Variants in HDAC4 observed in about 807,000 individuals in gnomAD.
The protein encoded by HDAC4 is histone deacetylase A.
HDAC4 carries 16 observed loss-of-function variants against 135.1 expected under a neutral mutation model. The ratio of observed to expected loss-of-function variants is 0.12; its 90% CI spans 0.08 to 0.18. The LOEUF (loss-of-function observed/expected upper bound fraction) is 0.18. Ranked by LOEUF, HDAC4 falls within the 10% of genes least tolerant of loss-of-function variation. The probability of loss-of-function intolerance (pLI) is 1.00; values close to 1 mark genes in which losing one functional copy is unlikely to be tolerated. For missense variants in HDAC4, 1,143 were observed against 1,511.8 expected, an observed-to-expected ratio of 0.76 and a Z score of 4.05; for synonymous variants, 685 against 653.4, an observed-to-expected ratio of 1.05 and a Z score of -0.74.
intron 2 of HDAC4, among the ~76,000 whole-genome samples, chr2:239,295,812 G>A (rs564607060): frequency 3.9e-5 from 6 of 152,314 alleles, no homozygotes; most frequent in African/African-American, 1.2e-4. Context: ...TGGGCCACCT[G>A]TGTGAGTTCT....
chr2:239,281,776 T>C (rs565433061), intron 2 of HDAC4, among the ~76,000 whole-genome samples: 13 of 142,872 alleles, frequency 9.1e-5, no homozygotes, highest in African/African-American at 3.2e-4. Flanking sequence ...TACCCACCAC[T>C]CTACACACAA....
At chr2:239,365,890 C>A (rs1426709421) in intron 1 of HDAC4, among the ~76,000 whole-genome samples, 4 of 149,316 alleles carry the variant, frequency 2.7e-5, no homozygotes, top group African/African-American at 9.9e-5. Flanking sequence ...GGGGGACACA[C>A]AGAGACATGC....
intron 1 of HDAC4, among the ~76,000 whole-genome samples, chr2:239,370,686 T>C (rs1379325179): frequency 1.3e-5 from 2 of 152,098 alleles, no homozygotes; most frequent in East Asian, 3.9e-4. Context: ...AGGCACCTGG[T>C]GGAAAGGCTG....
chr2:239,353,345 G>A (rs1393212077), intron 1 of HDAC4, among the ~76,000 whole-genome samples: 1 of 152,162 alleles, frequency 6.6e-6, no homozygotes, highest in Non-Finnish European at 1.5e-5. Flanking sequence ...TTCTGACCAA[G>A]GACTGATAGA....
chr2:239,135,182 T>C (rs2040864269), intron 9 of HDAC4, among the ~76,000 whole-genome samples: 1 of 152,196 alleles, frequency 6.6e-6, no homozygotes, highest in Admixed American at 6.5e-5. Flanking sequence ...GACGTGATTA[T>C]TACAAATTGC....
Position 239,146,742 on chromosome 2 carries a change from T to A in HDAC4, c.734-2028A>T, listed in dbSNP as rs2041791414. On this transcript the variant is annotated intron_variant, in intron 7 of 26. Transcript: ENST00000543185. This position sits in a 1 kb window ranked among gnomAD's most constrained non-coding sequence, Gnocchi z 4.5. ...TCCCTCCTCTCCCCTTCCACAGGCCTCTGCTCCACGCCCCTCCCAAGGCTG... is the reference window on the plus strand; with the variant it reads ...TCCCTCCTCTCCCCTTCCACAGGCCACTGCTCCACGCCCCTCCCAAGGCTG... Among the ~76,000 whole-genome samples the A allele has an allele frequency of 8.3e-6, 1 of 120,462 alleles. No individual in the cohort carries two copies. The highest frequency in any genetic ancestry group is 1.7e-5 in the Non-Finnish European group (1 of 58,870). The allele number at this position is 120,462 out of a possible 152,430, so 79.0% of individuals were successfully genotyped here. A position where few individuals can be genotyped will look rare whatever the true frequency, so the allele number is the denominator to read the frequency against.
intron 2 of HDAC4, among the ~76,000 whole-genome samples, chr2:239,279,489 T>C (rs756964285): frequency 5.3e-5 from 8 of 152,194 alleles, no homozygotes; most frequent in Non-Finnish European, 8.8e-5. Flanking sequence ...TTCAGGCCCG[T>C]CTCTCTGCCT....
chr2:239,106,805 G>A (rs759889947), intron 15 of HDAC4, among the ~76,000 whole-genome samples: 2 of 152,334 alleles, frequency 1.3e-5, no homozygotes, highest in South Asian at 2.1e-4. Context: ...GAGGCCCTCC[G>A]TGCCACGCCA....
intron 3 of HDAC4, among the ~76,000 whole-genome samples, chr2:239,192,593 C>A (rs553690117): frequency 2.6e-5 from 4 of 152,248 alleles, no homozygotes; most frequent in Admixed American, 2.6e-4. Flanking sequence ...GCACTGGGGG[C>A]TACGGGTCCG....
At position 239,068,718 on chromosome 2, in the gene HDAC4, G is replaced by A. The variant is rs915844882; in HGVS notation, c.2751-111C>T. On this transcript the variant is annotated intron_variant, in intron 22 of 26. Transcript: ENST00000543185. This position sits in a 1 kb window ranked among gnomAD's most constrained non-coding sequence, Gnocchi z 4.4. ...ATAATGCCTGCCCCGCACCCCCTCGGCCACTGGCGGGCTGAGGGCTCCACA... is the reference window on the plus strand; with the variant it reads ...ATAATGCCTGCCCCGCACCCCCTCGACCACTGGCGGGCTGAGGGCTCCACA... 3.6e-5 allele frequency: 34 copies of A among 933,186 alleles called. No homozygotes were observed. The highest frequency in any genetic ancestry group is 5.3e-5 in the Non-Finnish European group (30 of 568,036). The allele number at this position is 933,186 out of a possible 1,614,324, so 57.8% of individuals were successfully genotyped here.
At chr2:239,142,321 T>C (rs182768704) in intron 8 of HDAC4, among the ~76,000 whole-genome samples, 33 of 152,252 alleles carry the variant, frequency 2.2e-4, no homozygotes, top group Admixed American at 1.7e-3. Flanking sequence ...GGAAATCGGC[T>C]CCACTCCTCC....
Position 239,321,321 on chromosome 2 carries a change from C to T in HDAC4, c.22+31357G>A, listed in dbSNP as rs893533307. On this transcript the variant is annotated intron_variant, in intron 2 of 26. Coordinates refer to ENST00000543185, the MANE Select transcript of HDAC4 (RefSeq NM_001378414.1). ...TCTACTAAAAATACAAAAAATTAGC[C>T]GGGCGTGGTGGCGGGCGCCTGTAGT... Among the ~76,000 whole-genome samples the T allele has an allele frequency of 9.2e-5, 14 of 151,834 alleles. No individual in the cohort carries two copies. The East Asian group carries it at 1.2e-3, about 13-fold the overall frequency.
chr2:239,400,181 C>A lies in HDAC4; in HGVS notation c.-220+797G>T, dbSNP rs1286605817. 1.3e-5 allele frequency among the ~76,000 whole-genome samples: 2 copies of A among 151,902 alleles called. No homozygotes were observed. The highest frequency in any genetic ancestry group is 4.1e-4 in the South Asian group (2 of 4,832). On this transcript the variant is annotated intron_variant, in intron 1 of 26. Coordinates refer to ENST00000543185, the MANE Select transcript of HDAC4 (RefSeq NM_001378414.1). This position sits in a 1 kb window ranked among gnomAD's most constrained non-coding sequence, Gnocchi z 4.7. ...CTGGCGCCCTGCGGGCTGAGCCGAGCGGGTCCCGGGCAGCCCCCCGCCCTC... is the reference window on the plus strand; with the variant it reads ...CTGGCGCCCTGCGGGCTGAGCCGAGAGGGTCCCGGGCAGCCCCCCGCCCTC...
chr2:239,111,911 C>T (rs1391570177), intron 13 of HDAC4, among the ~76,000 whole-genome samples, 199 bp from the exon 14 acceptor site: 2 of 152,226 alleles, frequency 1.3e-5, no homozygotes, highest in African/African-American at 2.4e-5. Context: ...GAGCCAAGAA[C>T]GAGGCCAGCA....
intron 24 of HDAC4, among the ~76,000 whole-genome samples, chr2:239,063,106 T>G (rs1170093842): frequency 6.6e-6 from 1 of 152,128 alleles, no homozygotes; most frequent in Non-Finnish European, 1.5e-5. Context: ...AGGTCTGCTG[T>G]CCCGGGGTCA....
rs573258390 is a variant in HDAC4, at chr2:239,285,227, G to A, written c.23-48563C>T. Among the ~76,000 whole-genome samples, 6 of 152,326 alleles carry A rather than the reference G, an allele frequency of 3.9e-5. No individual in the cohort carries two copies. Among genetic ancestry groups the A allele is most frequent in the African/African-American group, 1.2e-4 (5 of 41,570 alleles). ...GGATGAGCACAGAGCCACGGTGGAGGGGGACAGAGCCACGCTAAGGAGGAA... is the reference window on the plus strand; with the variant it reads ...GGATGAGCACAGAGCCACGGTGGAGAGGGACAGAGCCACGCTAAGGAGGAA... On this transcript the variant is annotated intron_variant, in intron 2 of 26. Transcript: ENST00000543185. The surrounding 1 kb of genome is among the most constrained non-coding windows in gnomAD (Gnocchi z 4.5).
chr2:239,173,388 C>T (rs1304138819), intron 5 of HDAC4, among the ~76,000 whole-genome samples: 1 of 152,136 alleles, frequency 6.6e-6, no homozygotes, highest in Admixed American at 6.5e-5. Context: ...TCATTAACCA[C>T]ATAAAGCCAA....
intron 4 of HDAC4, among the ~76,000 whole-genome samples, chr2:239,177,911 T>C (rs1399780850): frequency 1.3e-5 from 2 of 152,230 alleles, no homozygotes; most frequent in African/African-American, 4.8e-5. Context: ...GGCCTGGCGC[T>C]GACGAGTGTG....
intron 12 of HDAC4, among the ~76,000 whole-genome samples, chr2:239,117,760 T>G (rs914553816): frequency 6.6e-6 from 1 of 151,868 alleles, no homozygotes; most frequent in African/African-American, 2.4e-5. Context: ...TCTGTCCCCG[T>G]GGGGAACGGC....
Sources: allele counts gnomAD v4.1 joint callset (sites outside exome capture counted in the v4.1 genomes callset), GRCh38; gene constraint gnomAD v4.1.1; non-coding constraint Gnocchi (gnomAD v3.1); transcripts MANE v1.5; gene names NCBI Gene and HGNC (gene_info 2026-07-23, HGNC 2026-07-21).